The following LINS1 variants were observed in gnomAD, a reference collection of about 807,000 sequenced individuals.
LINS1 encodes the protein protein Lines homolog 1.
LINS1 carries 27 observed loss-of-function variants against 41.6 expected under a neutral mutation model. The observed-to-expected ratio is 0.65, with a 90% CI of 0.48 to 0.89. LINS1 has a LOEUF of 0.89. Ranked by LOEUF, LINS1 falls within the 40% of genes least tolerant of loss-of-function variation. The pLI is 0.00. For missense variants in LINS1, 955 were observed against 884.1 expected (o/e 1.08, Z -1.02); for synonymous variants, 336 against 312.9 (o/e 1.07, Z -0.78).
At chr15:100,582,396 T>C (rs547450859) in intron 1 of LINS1, among the ~76,000 whole-genome samples, 1 of 139,120 alleles carries the variant, frequency 7.2e-6, no homozygotes, top group South Asian at 2.4e-4. Context: ...GGGTCTTCCA[T>C]CTACACTATG....
rs184303304 is a variant in LINS1, at chr15:100,589,149, T to C, written c.-103-8204A>G. ...AAGAGTTAACATTGTAACATGTAAC[T>C]GAGACTACTGAAGAAACAGTTTTAC... is the stretch of plus-strand genomic sequence containing the variant. On this transcript the variant is annotated intron_variant, in intron 1 of 6. Coordinates refer to ENST00000314742, the MANE Select transcript of LINS1 (RefSeq NM_001040616.3). Among the ~76,000 whole-genome samples, 336 of 152,316 alleles carry C rather than the reference T, an allele frequency of 2.2e-3. 3 individuals are homozygous for C. The highest frequency in any genetic ancestry group is 6.8e-3 in the Middle Eastern group (2 of 294).
intron 1 of LINS1, among the ~76,000 whole-genome samples, chr15:100,599,073 T>C (rs1192127981): frequency 6.6e-6 from 1 of 152,238 alleles, no homozygotes; most frequent in East Asian, 1.9e-4. Context: ...AGTCTCTTTC[T>C]ACTCAAGAAA....
intron 5 of LINS1, 155 bp downstream of exon 5, chr15:100,573,496 T>C (rs1442188623): frequency 8.3e-6 from 2 of 239,918 alleles, no homozygotes; most frequent in Non-Finnish European, 1.3e-5. Flanking sequence ...AATCCAGTTC[T>C]TTTTTTTTTT....
chr15:100,579,164 T>TA (rs1257010981), intron 3 of LINS1, among the ~76,000 whole-genome samples: 1 of 151,518 alleles, frequency 6.6e-6, no homozygotes, highest in Non-Finnish European at 1.5e-5. Flanking sequence ...CCCTAGAACT[T>TA]AAAGTATAAT....
At position 100,567,242 on chromosome 15, in the gene LINS1, T is replaced by C. The variant is rs919410929; in HGVS notation, c.*1996A>G. 6.6e-5 allele frequency: 10 copies of C among 152,338 alleles called. No individual in the cohort carries two copies. In the East Asian group the frequency reaches 1.7e-3, roughly 26 times the overall value. 9.4% of individuals were successfully genotyped at this position (152,338 alleles called of 1,614,324 possible). A position where few individuals can be genotyped will look rare whatever the true frequency, so the allele number is the denominator to read the frequency against. ...TAGTAAGTATGCGTGTATCTAAACA[T>C]GCCTAAACATAGGACAGTCACAGTA... On this transcript the variant is annotated 3_prime_UTR_variant, in exon 7 of 7. Coordinates refer to ENST00000314742, the MANE Select transcript of LINS1 (RefSeq NM_001040616.3).
At chr15:100,585,043 C>A (rs1596938683) in intron 1 of LINS1, among the ~76,000 whole-genome samples, 1 of 152,320 alleles carries the variant, frequency 6.6e-6, no homozygotes, top group East Asian at 1.9e-4. Context: ...GAATGAGAAG[C>A]ACGGGAAAGC....
rs1432586687 is a variant in LINS1 at position 100,567,153 on chromosome 15, C to T, written c.*2085G>A. On this transcript the variant is annotated 3_prime_UTR_variant, in exon 7 of 7. Transcript: ENST00000314742. ...AGGCTATATGGTATAGCCCATTGCT[C>T]CTAGGCTACAAACCTGTACACAGCA... 2 of 152,186 alleles carry T rather than the reference C, an allele frequency of 1.3e-5. No individual in the cohort carries two copies. The highest frequency in any genetic ancestry group is 2.9e-5 in the Non-Finnish European group (2 of 68,040). 9.4% of individuals were successfully genotyped at this position (152,186 alleles called of 1,614,324 possible).
chr15:100,591,768 C>A (rs150946917), intron 1 of LINS1, among the ~76,000 whole-genome samples: 128 of 152,232 alleles, frequency 8.4e-4, no homozygotes, highest in African/African-American at 2.9e-3. Flanking sequence ...CCCTGGCCAT[C>A]AAGGAGCTAC....
rs2037590196 is a variant in LINS1 at position 100,567,033 on chromosome 15, T to G, written c.*2205A>C. ...CATGTGTCACATGACAGGGACATGT[T>G]CTGAGAAATGAGCTGTAAGGCAATT... On this transcript the variant is annotated 3_prime_UTR_variant, in exon 7 of 7. Transcript: ENST00000314742. 6.6e-6 allele frequency: 1 copy of G among 152,206 alleles called. No individual in the cohort carries two copies. Among genetic ancestry groups the G allele is most frequent in the East Asian group, 1.9e-4 (1 of 5,194 alleles). The allele number at this position is 152,206 out of a possible 1,614,324, so 9.4% of individuals were successfully genotyped here.
intron 1 of LINS1, among the ~76,000 whole-genome samples, chr15:100,584,983 C>T (rs1443150932): frequency 6.6e-6 from 1 of 152,196 alleles, no homozygotes; most frequent in Non-Finnish European, 1.5e-5. Flanking sequence ...AAAAGAAGCC[C>T]ACCCAGGCTC....
chr15:100,578,853 T>G (rs1358722787), intron 3 of LINS1, among the ~76,000 whole-genome samples: 5 of 151,928 alleles, frequency 3.3e-5, no homozygotes, highest in African/African-American at 7.3e-5. Context: ...CCATAAAAAA[T>G]GATGAGTTCA....
intron 1 of LINS1, among the ~76,000 whole-genome samples, chr15:100,582,351 A>G (rs1172553483): frequency 3.7e-5 from 5 of 135,788 alleles, no homozygotes; most frequent in Non-Finnish European, 7.8e-5. Flanking sequence ...TTCCATCTAC[A>G]ACATGGCCCA....
chr15:100,576,172 A>G (rs2038163016), intron 3 of LINS1, among the ~76,000 whole-genome samples: 1 of 152,234 alleles, frequency 6.6e-6, no homozygotes, highest in African/African-American at 2.4e-5. Context: ...AATAACTAAG[A>G]TCAGAGCAGA....
chr15:100,577,959 C>T (rs557704027), intron 3 of LINS1, among the ~76,000 whole-genome samples: 111 of 152,326 alleles, frequency 7.3e-4, no homozygotes, highest in Non-Finnish European at 1.3e-3. Flanking sequence ...GCTGGGAAAA[C>T]TGGCTAGCCA....
At chr15:100,595,574 G>A (rs940964512) in intron 1 of LINS1, among the ~76,000 whole-genome samples, 44 of 152,264 alleles carry the variant, frequency 2.9e-4, no homozygotes, top group African/African-American at 8.2e-4. Flanking sequence ...AATGAAAAAC[G>A]GCACATCCTC....
chr15:100,580,695 C>A lies in LINS1; in HGVS notation c.148G>T (p.Ala50Ser), dbSNP rs1474832287. 4 of 1,613,652 alleles carry A rather than the reference C, an allele frequency of 2.5e-6. No homozygotes were observed. In the East Asian group the frequency reaches 8.9e-5, roughly 36 times the overall value. ...DCSTATSLEW[A>S]NTCGIQGRHQ... Reference sequence around the variant, plus strand: ...CTGCCCTGGATACCACAGGTGTTTGCCCATTCTAAGGAGGTGGCTGTAGAA... The same window carrying A: ...CTGCCCTGGATACCACAGGTGTTTGACCATTCTAAGGAGGTGGCTGTAGAA... Residue 50 changes from alanine to serine, a missense_variant, in exon 2 of 7, where the codon GCA becomes TCA. Ala to Ser is a moderately conservative substitution (Grantham distance 99). Coordinates refer to ENST00000314742, the MANE Select transcript of LINS1 (RefSeq NM_001040616.3).
At chr15:100,580,203 T>A (rs1481603140) in intron 3 of LINS1, 60 bp downstream of exon 3, 114 of 1,312,782 alleles carry the variant, frequency 8.7e-5, no homozygotes, top group Non-Finnish European at 1.2e-4. Flanking sequence ...CCACAAAACA[T>A]TTAAATTTAA....
At chr15:100,586,311 T>C (rs986856323) in intron 1 of LINS1, 5 of 152,268 alleles carry the variant, frequency 3.3e-5, no homozygotes, top group African/African-American at 1.2e-4. Flanking sequence ...TTGATTGATG[T>C]CTCATGCCTC....
At chr15:100,600,135 C>G (rs1392812109) in intron 1 of LINS1, among the ~76,000 whole-genome samples, 17 of 152,184 alleles carry the variant, frequency 1.1e-4, no homozygotes, top group Admixed American at 1.1e-3. Flanking sequence ...ATTTATGAAT[C>G]TGGCAGCATC....
Sources: allele counts gnomAD v4.1 joint callset (sites outside exome capture counted in the v4.1 genomes callset), GRCh38; gene constraint gnomAD v4.1.1; transcripts MANE v1.5; gene names NCBI Gene and HGNC (gene_info 2026-07-23, HGNC 2026-07-21).